The following ANOS1 variants were observed in gnomAD, a reference collection of about 807,000 sequenced individuals.
The protein encoded by ANOS1 is anosmin 1.
In ANOS1, 6 loss-of-function variants were observed where a neutral mutation model predicts 59.0. That is an observed-to-expected ratio of 0.10 (90% CI 0.06 to 0.20). The LOEUF (loss-of-function observed/expected upper bound fraction) is 0.20, where lower values mean the gene tolerates loss of function less well. ANOS1 is among the 10% of genes least tolerant of loss of function. The pLI, the probability that ANOS1 is intolerant of heterozygous loss-of-function variation, is 1.00. For missense variants in ANOS1, 433 were observed against 542.3 expected, an observed-to-expected ratio of 0.80 and a Z score of 2.00; for synonymous variants, 217 against 223.4, an observed-to-expected ratio of 0.97 and a Z score of 0.25.
intron 2 of ANOS1, 65 bp downstream of exon 2, chrX:8,699,632 GT>G (rs1932733156): frequency 1.2e-6 from 1 of 869,072 alleles, no homozygotes; most frequent in Non-Finnish European, 1.6e-6. Flanking sequence ...GCAACTTACT[GT>G]GAATCTATAA....
At chrX:8,583,537 A>C (rs1459344275) in intron 6 of ANOS1, among the ~76,000 whole-genome samples, 1 of 112,052 alleles carries the variant, frequency 8.9e-6, no homozygotes, top group Non-Finnish European at 1.9e-5. Context: ...ATCTGCTTTA[A>C]AGATATCATA....
intron 1 of ANOS1, among the ~76,000 whole-genome samples, chrX:8,725,792 A>G (rs1346980808): frequency 9.5e-6 from 1 of 105,722 alleles, no homozygotes; most frequent in African/African-American, 3.4e-5. Context: ...AAAGAAATAA[A>G]CAAGTTAGTA....
At chrX:8,730,889 G>A (rs1204223617) in intron 1 of ANOS1, among the ~76,000 whole-genome samples, 1 of 112,772 alleles carries the variant, frequency 8.9e-6, no homozygotes, top group Non-Finnish European at 1.9e-5. Flanking sequence ...CGCTGAGTCC[G>A]GAACCTGCTC....
Position 8,535,620 on chromosome X carries a change from T to G in ANOS1, c.1813A>C (p.Ile605Leu). 4 of 1,209,568 alleles carry G rather than the reference T, an allele frequency of 3.3e-6. No individual in the cohort carries two copies. The highest frequency in any genetic ancestry group is 3.4e-6 in the Non-Finnish European group (3 of 893,382). The stretch of plus-strand genomic sequence containing the variant: ...GGCAGGATCTGGGACTGTGAAATAA[T>G]GCTGTTGGGTAGGCTGTTCTGTCTG... ...ESRQNSLPNS[I>L]ISQSQILPSD... Residue 605 changes from isoleucine to leucine, a missense_variant, in exon 12 of 14, where the codon ATT becomes CTT. By Grantham distance (5) the Ile-to-Leu change is conservative. Coordinates refer to ENST00000262648, the MANE Select transcript of ANOS1 (RefSeq NM_000216.4).
intron 1 of ANOS1, among the ~76,000 whole-genome samples, chrX:8,710,181 C>T (rs1404658571): frequency 9.0e-6 from 1 of 111,571 alleles, no homozygotes; most frequent in Non-Finnish European, 1.9e-5. Context: ...CCACCTGCCT[C>T]GGCCTCCCAA....
chrX:8,616,427 T>G (rs2214987), intron 3 of ANOS1, among the ~76,000 whole-genome samples: 43,093 of 110,370 alleles, frequency 0.39, 6,136 homozygotes, highest in South Asian at 0.44. Context: ...TGTCACCTCA[T>G]TGAGCTTCAT....
intron 1 of ANOS1, among the ~76,000 whole-genome samples, chrX:8,711,758 G>A (rs926142941): frequency 8.9e-6 from 1 of 112,710 alleles, no homozygotes; most frequent in Non-Finnish European, 1.9e-5. Context: ...CCCTCAGTAA[G>A]TTTTGATACA....
chrX:8,685,624 GAAAGAAAGA>G, intron 2 of ANOS1, among the ~76,000 whole-genome samples: 1 of 93,770 alleles, frequency 1.1e-5, no homozygotes, highest in South Asian at 5.5e-4. Context: ...AAGAAAGAAA[GAAAGAAAGA>G]AAGAAAGAAA....
intron 2 of ANOS1, among the ~76,000 whole-genome samples, chrX:8,667,798 A>T (rs140407330): frequency 1.8e-5 from 2 of 111,213 alleles, no homozygotes; most frequent in East Asian, 5.7e-4. Flanking sequence ...CATTCTCCCA[A>T]ATCCTGCCTG....
chrX:8,607,467 T>C (rs1930961967), intron 3 of ANOS1, among the ~76,000 whole-genome samples: 1 of 112,026 alleles, frequency 8.9e-6, no homozygotes, highest in African/African-American at 3.2e-5. Context: ...TATGTTTATC[T>C]TGGCTTCCTT....
chrX:8,598,947 T>C (rs960466225), intron 3 of ANOS1, among the ~76,000 whole-genome samples: 1 of 111,249 alleles, frequency 9.0e-6, no homozygotes. Flanking sequence ...TTGCAGATGG[T>C]GGGGGATGGT....
chrX:8,616,622 C>T (rs1256636616), intron 3 of ANOS1, among the ~76,000 whole-genome samples: 1 of 111,406 alleles, frequency 9.0e-6, no homozygotes, highest in African/African-American at 3.3e-5. Flanking sequence ...ACCCCCAAAA[C>T]TATCTGTGCC....
Position 8,532,983 on chromosome X carries a change from T to A in ANOS1, c.*12A>T. The A allele has an allele frequency of 9.1e-7, 1 of 1,103,719 alleles. No homozygotes were observed. The highest frequency in any genetic ancestry group is 2.4e-4 in the Middle Eastern group (1 of 4,146). 91.0% of individuals were successfully genotyped at this position (1,103,719 alleles called of 1,213,427 possible). A position where few individuals can be genotyped will look rare whatever the true frequency, so the allele number is the denominator to read the frequency against. On this transcript the variant is annotated 3_prime_UTR_variant, in exon 14 of 14. Coordinates refer to ENST00000262648, the MANE Select transcript of ANOS1 (RefSeq NM_000216.4). ...CACATCTGTGCAATTTCACAAAATC[T>A]TTTTGAACAGTTTAGTATCTTTCTG...
intron 2 of ANOS1, among the ~76,000 whole-genome samples, chrX:8,646,721 T>A (rs1261290856): frequency 1.8e-5 from 2 of 109,159 alleles, no homozygotes; most frequent in Non-Finnish European, 3.8e-5. Flanking sequence ...TGCTTTGAGG[T>A]CAGGAGTTCA....
chrX:8,682,807 T>TAC (rs1303524357), intron 2 of ANOS1, among the ~76,000 whole-genome samples: 6 of 110,271 alleles, frequency 5.4e-5, no homozygotes, highest in Non-Finnish European at 9.5e-5. Flanking sequence ...CCTGAGAAAA[T>TAC]ACACACACAC....
chrX:8,641,376 A>G (rs1376731715), intron 2 of ANOS1, among the ~76,000 whole-genome samples: 1 of 112,493 alleles, frequency 8.9e-6, no homozygotes, highest in Non-Finnish European at 1.9e-5. Context: ...AGCATTCCTC[A>G]CATTCATCTT....
intron 2 of ANOS1, among the ~76,000 whole-genome samples, chrX:8,668,034 T>G (rs1257758085): frequency 9.2e-6 from 1 of 108,339 alleles, no homozygotes; most frequent in Non-Finnish European, 1.9e-5. Flanking sequence ...TATTTTTAAA[T>G]TTTTTTTTTA....
At chrX:8,722,108 G>C (rs1173068192) in intron 1 of ANOS1, among the ~76,000 whole-genome samples, 2 of 112,189 alleles carry the variant, frequency 1.8e-5, no homozygotes, top group Non-Finnish European at 3.8e-5. Flanking sequence ...TAGACCCTAA[G>C]TTCCTCATGT....
Position 8,536,856 on chromosome X carries a change from C to T in ANOS1, c.1536G>A (p.Lys512=), listed in dbSNP as rs1449749900. 9 of 1,207,150 alleles carry T rather than the reference C, an allele frequency of 7.5e-6. No individual in the cohort carries two copies. In the Middle Eastern group the frequency reaches 2.1e-3, roughly 278 times the overall value. Residue 512 remains lysine, a synonymous_variant, in exon 11 of 14, where the codon AAG becomes AAA. Coordinates refer to ENST00000262648, the MANE Select transcript of ANOS1 (RefSeq NM_000216.4). ...GAGTAGTGAAGAAAACAGCTTCTGC[C>T]TTGGAGTGACTTTTTGGCCGTATTG... The part of the protein sequence containing the change: ...VQPIRPKSHS[K]AEAVFFTTPP...
Sources: allele counts gnomAD v4.1 joint callset (sites outside exome capture counted in the v4.1 genomes callset), GRCh38; gene constraint gnomAD v4.1.1; transcripts MANE v1.5; gene names NCBI Gene and HGNC (gene_info 2026-07-23, HGNC 2026-07-21).